Variants in OPCML observed in about 807,000 individuals in gnomAD.
OPCML encodes opioid binding protein/cell adhesion molecule like, also known as opioid-binding protein/cell adhesion molecule.
In OPCML, 13 loss-of-function variants were observed where a neutral mutation model predicts 37.8. The ratio of observed to expected loss-of-function variants is 0.34; its 90% CI spans 0.22 to 0.55. The LOEUF is 0.55. OPCML is among the 20% of genes least tolerant of loss of function. The pLI is 0.91. For missense variants in OPCML, 341 were observed against 435.6 expected, an observed-to-expected ratio of 0.78 and a Z score of 1.93; for synonymous variants, 176 against 168.8, an observed-to-expected ratio of 1.04 and a Z score of -0.33.
intron 1 of OPCML, among the ~76,000 whole-genome samples, chr11:133,242,303 T>G (rs563410365): frequency 8.5e-5 from 13 of 152,176 alleles, no homozygotes; most frequent in African/African-American, 2.9e-4. Context: ...AAACACCGAG[T>G]TAAGTGTCTT....
At chr11:132,836,612 A>G (rs1256983623) in intron 2 of OPCML, among the ~76,000 whole-genome samples, 2 of 152,224 alleles carry the variant, frequency 1.3e-5, no homozygotes, top group African/African-American at 4.8e-5. Context: ...CACTAGCATG[A>G]GTCCTCTTTT....
At chr11:133,496,884 G>A (rs999186608) in intron 1 of OPCML, among the ~76,000 whole-genome samples, 7 of 152,092 alleles carry the variant, frequency 4.6e-5, no homozygotes, top group African/African-American at 1.7e-4. Context: ...AATTTGGATG[G>A]CCTTTATTTC....
At chr11:132,796,113 T>C (rs144040529) in intron 2 of OPCML, among the ~76,000 whole-genome samples, 60 of 152,326 alleles carry the variant, frequency 3.9e-4, no homozygotes, top group African/African-American at 1.4e-3. Context: ...GTGTAGGTTA[T>C]ATGCAAGTAC....
At chr11:133,081,537 T>C (rs1319927032) in intron 1 of OPCML, among the ~76,000 whole-genome samples, 1 of 152,184 alleles carries the variant, frequency 6.6e-6, no homozygotes. Context: ...AGCTCGTCTT[T>C]TGTTTTCCAC....
intron 3 of OPCML, among the ~76,000 whole-genome samples, chr11:132,557,416 T>G (rs1363406551): frequency 6.6e-6 from 1 of 152,150 alleles, no homozygotes. Context: ...AACCCTGCAG[T>G]TGGAAGGGGA....
chr11:133,128,689 C>T (rs1949557403), intron 1 of OPCML, among the ~76,000 whole-genome samples: 1 of 152,116 alleles, frequency 6.6e-6, no homozygotes. Flanking sequence ...ACTGTGAACT[C>T]CAGGGTGGAA....
chr11:133,024,473 G>A (rs1427352321), intron 1 of OPCML: 1 of 985,104 alleles, frequency 1.0e-6, no homozygotes, highest in Non-Finnish European at 1.2e-6. Flanking sequence ...ACACAGCAGA[G>A]GGGCAGGTTT....
intron 1 of OPCML, among the ~76,000 whole-genome samples, chr11:133,130,092 A>C (rs901694873): frequency 6.6e-6 from 1 of 152,102 alleles, no homozygotes; most frequent in Non-Finnish European, 1.5e-5. Context: ...TTAAGCAGAG[A>C]CATGAAAAAT....
intron 3 of OPCML, among the ~76,000 whole-genome samples, chr11:132,635,142 T>C (rs892773712): frequency 1.3e-5 from 2 of 152,208 alleles, no homozygotes; most frequent in Non-Finnish European, 2.9e-5. Flanking sequence ...TATAGATTTA[T>C]GATGGCCAAT....
intron 1 of OPCML, among the ~76,000 whole-genome samples, chr11:133,182,660 CTG>C (rs895792164): frequency 1.3e-5 from 2 of 152,190 alleles, no homozygotes; most frequent in Admixed American, 1.3e-4. Flanking sequence ...CTGTTGGAAA[CTG>C]AGAGAGCCAG....
rs202169744 is a variant in OPCML at position 132,989,391 on chromosome 11, T to TA, written c.62-46382dup. 4.0e-3 allele frequency among the ~76,000 whole-genome samples: 605 copies of TA among 152,134 alleles called. 5 individuals carry two copies. The highest frequency in any genetic ancestry group is 0.014 in the African/African-American group (567 of 41,492). Reference sequence around the variant, plus strand: ...GTGAAAACTAACCCCAAATCACACATAAAAAATGCATGTCCTATTTATGAA... The same window carrying TA: ...GTGAAAACTAACCCCAAATCACACATAAAAAAATGCATGTCCTATTTATGAA... On this transcript the variant is annotated intron_variant, in intron 1 of 7. Coordinates refer to ENST00000524381, the MANE Select transcript of OPCML (RefSeq NM_001012393.5).
chr11:133,286,189 G>C (rs1942291007), intron 1 of OPCML, among the ~76,000 whole-genome samples: 1 of 152,036 alleles, frequency 6.6e-6, no homozygotes, highest in Non-Finnish European at 1.5e-5. Flanking sequence ...GGTGGCTCAC[G>C]CCTGCAATTC....
chr11:132,959,735 A>T (rs951924141), intron 1 of OPCML, among the ~76,000 whole-genome samples: 1 of 152,210 alleles, frequency 6.6e-6, no homozygotes, highest in African/African-American at 2.4e-5. Context: ...CAGATTTAGA[A>T]GTGGCACCTT....
At chr11:132,643,646 C>T (rs765660191) in intron 3 of OPCML, among the ~76,000 whole-genome samples, 3 of 152,146 alleles carry the variant, frequency 2.0e-5, no homozygotes, top group Non-Finnish European at 2.9e-5. Flanking sequence ...GTTCTTCTTC[C>T]ATCTCTTTCC....
At chr11:132,664,143 C>T (rs930271627) in intron 2 of OPCML, among the ~76,000 whole-genome samples, 1 of 152,070 alleles carries the variant, frequency 6.6e-6, no homozygotes, top group African/African-American at 2.4e-5. Flanking sequence ...AGTTAATGTT[C>T]CAAGTTTAAA....
intron 1 of OPCML, among the ~76,000 whole-genome samples, chr11:133,122,802 C>T (rs1949441866): frequency 6.6e-6 from 1 of 152,198 alleles, no homozygotes; most frequent in East Asian, 1.9e-4. Flanking sequence ...CCCAGGTAAA[C>T]TGGAATCTAG....
intron 1 of OPCML, among the ~76,000 whole-genome samples, chr11:133,165,086 G>A (rs1249525784): frequency 1.3e-5 from 2 of 152,224 alleles, no homozygotes; most frequent in African/African-American, 4.8e-5. Context: ...GGTACTCAGA[G>A]CAAAACATAT....
At chr11:132,881,501 C>T (rs1591748889) in intron 2 of OPCML, among the ~76,000 whole-genome samples, 2 of 152,266 alleles carry the variant, frequency 1.3e-5, no homozygotes, top group East Asian at 3.9e-4. Flanking sequence ...GGCAAGGATC[C>T]AGTCAAGGAG....
chr11:132,430,898 C>T (rs1262233183), intron 7 of OPCML, among the ~76,000 whole-genome samples: 2 of 152,130 alleles, frequency 1.3e-5, no homozygotes, highest in African/African-American at 4.8e-5. Context: ...TCTCTGCACA[C>T]TAAGGACAGG....
Sources: gnomAD v4.1 joint callset for allele counts (sites outside exome capture counted in the v4.1 genomes callset) on GRCh38, gnomAD v4.1.1 for gene constraint, MANE v1.5 for transcripts, NCBI Gene and HGNC (gene_info 2026-07-23, HGNC 2026-07-21) for gene names.